Variants in EPHX2 observed in about 807,000 individuals in gnomAD.
EPHX2 encodes bifunctional epoxide hydrolase 2.
Under a neutral mutation model 78.7 loss-of-function variants are expected in EPHX2, and 74 were observed. That is an observed-to-expected ratio of 0.94 (90% confidence interval 0.78 to 1.14). EPHX2 has a LOEUF of 1.14. Ranked by LOEUF, EPHX2 falls within the 50% of genes most tolerant of loss-of-function variation. The pLI, the probability that EPHX2 is intolerant of heterozygous loss-of-function variation, is 0.00. For synonymous variants in EPHX2, 251 were observed against 255.2 expected (o/e 0.98, Z 0.16); for missense variants, 715 against 702.5 (o/e 1.02, Z -0.20).
chr8:27,494,309 A>G (rs760692897), intron 1 of EPHX2, among the ~76,000 whole-genome samples: 2 of 152,212 alleles, frequency 1.3e-5, no homozygotes, highest in African/African-American at 2.4e-5. Flanking sequence ...AAGGTCTTGT[A>G]TGGGCTTTTC....
downstream of EPHX2, among the ~76,000 whole-genome samples, chr8:27,546,300 T>C (rs936249877): frequency 6.6e-6 from 1 of 152,106 alleles, no homozygotes; most frequent in African/African-American, 2.4e-5. Flanking sequence ...TCATGGGTGG[T>C]TGTATCAAGT....
At chr8:27,503,237 G>GT (rs1813866023) in intron 2 of EPHX2, among the ~76,000 whole-genome samples, 1 of 152,182 alleles carries the variant, frequency 6.6e-6, no homozygotes, top group Non-Finnish European at 1.5e-5. Context: ...CTTCAGCACT[G>GT]TAAGAAATAA....
At chr8:27,525,496 C>T in intron 12 of EPHX2, 23 bp downstream of exon 12, 4 of 1,571,088 alleles carry the variant, frequency 2.5e-6, no homozygotes, top group Non-Finnish European at 2.6e-6. Context: ...CCAAGGGCAA[C>T]AATGGGAGCA....
At chr8:27,532,558 C>T (rs916738666) in intron 12 of EPHX2, among the ~76,000 whole-genome samples, 1 of 152,018 alleles carries the variant, frequency 6.6e-6, no homozygotes, top group African/African-American at 2.4e-5. Flanking sequence ...AGGGTTGGTC[C>T]CTTCTGGGGG....
chr8:27,499,881 C>G (rs941807081), intron 1 of EPHX2, among the ~76,000 whole-genome samples: 3 of 152,130 alleles, frequency 2.0e-5, no homozygotes, highest in African/African-American at 7.2e-5. Flanking sequence ...CTGTGTGTGT[C>G]TGTGTCCTAA....
At chr8:27,525,119 C>T (rs772217484) in intron 11 of EPHX2, among the ~76,000 whole-genome samples, 7 of 150,790 alleles carry the variant, frequency 4.6e-5, no homozygotes, top group South Asian at 2.1e-4. Flanking sequence ...CGCGCGCGCG[C>T]GCGCACCTAT....
intron 5 of EPHX2, among the ~76,000 whole-genome samples, chr8:27,510,898 G>A (rs1406016923): frequency 6.6e-6 from 1 of 152,200 alleles, no homozygotes; most frequent in African/African-American, 2.4e-5. Flanking sequence ...GCAGTGAGCT[G>A]TGATCACATC....
intron 1 of EPHX2, 44 bp downstream of exon 1, chr8:27,491,353 G>A: frequency 7.3e-7 from 1 of 1,364,086 alleles, no homozygotes; most frequent in Non-Finnish European, 9.6e-7. Context: ...CGGGGCCTCA[G>A]GAGGCAGACC....
intron 8 of EPHX2, among the ~76,000 whole-genome samples, chr8:27,516,664 C>T (rs956283279): frequency 6.6e-6 from 1 of 152,212 alleles, no homozygotes; most frequent in African/African-American, 2.4e-5. Flanking sequence ...GGATGGCGGA[C>T]ATAGAATGTA....
chr8:27,540,650 G>A lies in EPHX2; in HGVS notation c.1373G>A (p.Gly458Asp). 1.2e-6 allele frequency: 2 copies of A among 1,613,914 alleles called. No homozygotes were observed. Among genetic ancestry groups the A allele is most frequent in the Non-Finnish European group, 1.7e-6 (2 of 1,179,838 alleles). ...QFYVQQFKKS[G>D]FRGPLNWYRN... ...TATGTGCAGCAGTTCAAGAAGTCTG[G>A]TTTCAGGTAAAGAGAGCACAGGGCC... The change falls in exon 15 of 19, where the codon GGT (glycine) becomes GAT (aspartate). Residue 458 changes from glycine to aspartate, a missense_variant. Physicochemically the swap from Gly to Asp is moderately conservative, Grantham distance 94 (BLOSUM62 -1). Transcript: ENST00000521400.
chr8:27,504,809 C>A, intron 3 of EPHX2, 147 bp from the exon 4 acceptor site: 1 of 785,854 alleles, frequency 1.3e-6, no homozygotes. Context: ...GATTCTTTTC[C>A]AATTTGTCAG....
At chr8:27,493,308 C>A (rs1813453639) in intron 1 of EPHX2, 1 of 152,590 alleles carries the variant, frequency 6.6e-6, no homozygotes, top group Admixed American at 6.5e-5. Context: ...GCATCCTGTA[C>A]TATCCCTGAC....
chr8:27,522,388 C>T lies in EPHX2; in HGVS notation c.973-35C>T, dbSNP rs762087111. The T allele has an allele frequency of 3.1e-6, 5 of 1,608,152 alleles. No individual in the cohort carries two copies. The African/African-American group carries it at 5.3e-5, about 17-fold the overall frequency. Reference sequence around the variant, plus strand: ...TCTCAGCACCCCGTTCCAGAAGCCTCCCCACATTCGGCTCCCTTCTTTTTC... The same window carrying T: ...TCTCAGCACCCCGTTCCAGAAGCCTTCCCACATTCGGCTCCCTTCTTTTTC... On this transcript the variant is annotated intron_variant, in intron 10 of 18. Transcript: ENST00000521400.
At chr8:27,518,182 G>A in intron 9 of EPHX2, 110 bp downstream of exon 9, 1 of 854,898 alleles carries the variant, frequency 1.2e-6, no homozygotes, top group Non-Finnish European at 1.9e-6. Context: ...CACAGCCTCT[G>A]GGTATAAATT....
rs761145035 is a variant in EPHX2 at position 27,544,168 on chromosome 8, C to A, written c.1531-18C>A. ...CTGCCTTCTTCCATTTACCTTTCTG[C>A]CTGGGGTTTCCTTTCAGATTCCCCA... On this transcript the variant is annotated intron_variant, in intron 17 of 18. Transcript: ENST00000521400. The A allele has an allele frequency of 1.2e-6, 2 of 1,613,890 alleles. No individual in the cohort carries two copies. Among genetic ancestry groups the A allele is most frequent in the African/African-American group, 2.7e-5 (2 of 74,920 alleles).
intron 3 of EPHX2, 52 bp from the exon 4 acceptor site, chr8:27,504,904 T>C: frequency 1.9e-6 from 3 of 1,598,516 alleles, no homozygotes; most frequent in Non-Finnish European, 2.6e-6. Flanking sequence ...ATCTGGAGCA[T>C]TTCAGGGCAA....
At chr8:27,516,206 C>G in intron 7 of EPHX2, 114 bp from the exon 8 acceptor site, 1 of 1,061,534 alleles carries the variant, frequency 9.4e-7, no homozygotes, top group Non-Finnish European at 1.4e-6. Flanking sequence ...GGGTAGTGCC[C>G]TGTGGCTCTT....
chr8:27,540,449 C>G, intron 14 of EPHX2, 105 bp from the exon 15 acceptor site: 1 of 898,992 alleles, frequency 1.1e-6, no homozygotes, highest in Non-Finnish European at 1.8e-6. Context: ...ACTCATAAGG[C>G]CTTGCGCAAG....
chr8:27,544,636 C>A lies in EPHX2; in HGVS notation c.*114C>A. On this transcript the variant is annotated 3_prime_UTR_variant, in exon 19 of 19. Transcript: ENST00000521400. ...ATCTTGCATGGATGGCAGCATTGTT[C>A]TGAAGGGGTTTGCAGAAAAAAAAGA... The A allele has an allele frequency of 9.4e-7, 1 of 1,064,016 alleles. No homozygotes were observed. Among genetic ancestry groups the A allele is most frequent in the Non-Finnish European group, 1.4e-6 (1 of 702,136 alleles). 65.9% of individuals were successfully genotyped at this position (1,064,016 alleles called of 1,614,324 possible).
Sources: gnomAD v4.1 joint callset for allele counts (sites outside exome capture counted in the v4.1 genomes callset) on GRCh38, gnomAD v4.1.1 for gene constraint, MANE v1.5 for transcripts, NCBI Gene and HGNC (gene_info 2026-07-23, HGNC 2026-07-21) for gene names.